The following IMMP2L variants were observed in gnomAD, a reference collection of about 807,000 sequenced individuals.
IMMP2L encodes the protein inner mitochondrial membrane peptidase subunit 2.
A neutral mutation model predicts 19.3 loss-of-function variants in IMMP2L; 18 were observed. The observed-to-expected ratio is 0.93, with a 90% CI of 0.64 to 1.38. IMMP2L has a LOEUF of 1.38. Ranked by LOEUF, IMMP2L falls within the 40% of genes most tolerant of loss-of-function variation. The pLI is 0.00. For synonymous variants in IMMP2L, 76 were observed against 73.0 expected (o/e 1.04, Z -0.21); for missense variants, 233 against 218.2 (o/e 1.07, Z -0.43).
intron 2 of IMMP2L, among the ~76,000 whole-genome samples, chr7:111,488,862 T>A (rs112705729): frequency 6.6e-6 from 1 of 151,978 alleles, no homozygotes; most frequent in Admixed American, 6.6e-5. Context: ...CACATCAACA[T>A]CTATTATTCT....
intron 3 of IMMP2L, among the ~76,000 whole-genome samples, chr7:111,061,580 C>T (rs1260389294): frequency 1.3e-5 from 2 of 152,068 alleles, no homozygotes; most frequent in South Asian, 2.1e-4. Context: ...CAAAGCTACC[C>T]CCAAATACAT....
intron 3 of IMMP2L, among the ~76,000 whole-genome samples, chr7:111,186,395 T>A (rs1808264673): frequency 6.6e-6 from 1 of 152,094 alleles, no homozygotes; most frequent in Non-Finnish European, 1.5e-5. Flanking sequence ...TTCCACTCAA[T>A]TTTTTTAAGC....
At chr7:111,218,651 C>A (rs888201224) in intron 3 of IMMP2L, among the ~76,000 whole-genome samples, 2 of 151,960 alleles carry the variant, frequency 1.3e-5, no homozygotes, top group African/African-American at 4.8e-5. Context: ...CTCCAATTAA[C>A]CTAGTTCATT....
At chr7:111,417,658 G>A (rs2131573866) in intron 3 of IMMP2L, among the ~76,000 whole-genome samples, 1 of 151,922 alleles carries the variant, frequency 6.6e-6, no homozygotes, top group South Asian at 2.1e-4. Context: ...AGCAGAGACT[G>A]AAATTTATAC....
chr7:111,114,424 C>T (rs777503356), intron 3 of IMMP2L, among the ~76,000 whole-genome samples: 59 of 152,066 alleles, frequency 3.9e-4, no homozygotes, highest in Non-Finnish European at 7.2e-4. Flanking sequence ...CATCCAAGTA[C>T]ATTGTATTAA....
chr7:110,777,229 C>G (rs761465820), intron 5 of IMMP2L, among the ~76,000 whole-genome samples: 1 of 151,964 alleles, frequency 6.6e-6, no homozygotes. Context: ...CCCAGCTCGG[C>G]AGGTGTGCCT....
intron 4 of IMMP2L, among the ~76,000 whole-genome samples, chr7:110,887,924 T>A (rs1810396785): frequency 6.6e-6 from 1 of 152,086 alleles, no homozygotes; most frequent in Non-Finnish European, 1.5e-5. Flanking sequence ...GAGACTATTT[T>A]TATTAGTTAG....
At chr7:111,474,347 A>C (rs1841532985) in intron 3 of IMMP2L, among the ~76,000 whole-genome samples, 1 of 152,098 alleles carries the variant, frequency 6.6e-6, no homozygotes, top group African/African-American at 2.4e-5. Context: ...ACTTTTTTTA[A>C]AGTCCACAAT....
At chr7:111,475,683 C>G (rs574764866) in intron 3 of IMMP2L, among the ~76,000 whole-genome samples, 34 of 152,098 alleles carry the variant, frequency 2.2e-4, no homozygotes, top group African/African-American at 7.9e-4. Context: ...GAATAAATTA[C>G]AAGGAACAAA....
rs115939183 is a variant in IMMP2L at position 111,519,751 on chromosome 7, A to G, written c.135+1562T>C. Among the ~76,000 whole-genome samples the G allele has an allele frequency of 9.0e-3, 1,363 of 152,206 alleles. 25 individuals carry two copies. The highest frequency in any genetic ancestry group is 0.031 in the African/African-American group (1,304 of 41,532). ...CTAAAAATATGAAGATTGGGATATTATGATTGCCACATGATCCTCTGGAAT... is the reference window on the plus strand; with the variant it reads ...CTAAAAATATGAAGATTGGGATATTGTGATTGCCACATGATCCTCTGGAAT... On this transcript the variant is annotated intron_variant, in intron 2 of 5. Coordinates refer to ENST00000405709, the MANE Select transcript of IMMP2L (RefSeq NM_032549.4).
At chr7:111,022,149 G>A (rs1399085234) in intron 3 of IMMP2L, among the ~76,000 whole-genome samples, 1 of 152,110 alleles carries the variant, frequency 6.6e-6, no homozygotes, top group East Asian at 1.9e-4. Context: ...GCCCTGTTCT[G>A]CCAACAAATC....
chr7:111,338,182 T>C (rs1386393976), intron 3 of IMMP2L, among the ~76,000 whole-genome samples: 1 of 152,114 alleles, frequency 6.6e-6, no homozygotes, highest in Non-Finnish European at 1.5e-5. Context: ...GCAGAGATGA[T>C]AACTGTAGGG....
At chr7:111,240,282 T>C (rs920570847) in intron 3 of IMMP2L, among the ~76,000 whole-genome samples, 19 of 152,018 alleles carry the variant, frequency 1.2e-4, no homozygotes, top group Admixed American at 7.9e-4. Flanking sequence ...CTTTAAAAAC[T>C]GTTCTTCTAA....
rs183290022 is a variant in IMMP2L, at chr7:110,911,132, A to T, written c.306-24437T>A. 7.3e-3 allele frequency among the ~76,000 whole-genome samples: 1,117 copies of T among 152,272 alleles called. 11 individuals are homozygous for T. The highest frequency in any genetic ancestry group is 9.2e-3 in the Non-Finnish European group (627 of 68,000). ...TCTACTTTTTAAACAAATGATAAAG[A>T]TGAACAACCAGACATTAAAATTAGA... is the stretch of plus-strand genomic sequence containing the variant. On this transcript the variant is annotated intron_variant, in intron 4 of 5. Coordinates refer to ENST00000405709, the MANE Select transcript of IMMP2L (RefSeq NM_032549.4).
At chr7:111,506,072 A>G (rs1039653952) in intron 2 of IMMP2L, among the ~76,000 whole-genome samples, 2 of 151,920 alleles carry the variant, frequency 1.3e-5, no homozygotes, top group African/African-American at 2.4e-5. Context: ...GTTTGAGAAC[A>G]CCTGGGCAAC....
At chr7:111,350,661 G>C (rs1480482661) in intron 3 of IMMP2L, among the ~76,000 whole-genome samples, 2 of 151,992 alleles carry the variant, frequency 1.3e-5, no homozygotes, top group Non-Finnish European at 2.9e-5. Flanking sequence ...CCTCACCATA[G>C]AATATCAACT....
At chr7:111,281,184 A>AAG (rs1410414283) in intron 3 of IMMP2L, among the ~76,000 whole-genome samples, 7 of 66,088 alleles carry the variant, frequency 1.1e-4, no homozygotes, top group African/African-American at 3.9e-4. Context: ...GAAAGAAAGA[A>AAG]AGAAAGAAAG....
At chr7:110,866,310 T>C (rs1807973314) in intron 5 of IMMP2L, among the ~76,000 whole-genome samples, 1 of 151,894 alleles carries the variant, frequency 6.6e-6, no homozygotes, top group Non-Finnish European at 1.5e-5. Context: ...TAAAATCTGG[T>C]AGTTGGTTGT....
At chr7:110,879,387 C>CAAAA (rs35022284) in intron 5 of IMMP2L, among the ~76,000 whole-genome samples, 1 of 142,142 alleles carries the variant, frequency 7.0e-6, no homozygotes, top group African/African-American at 2.6e-5. Context: ...GAATCTATCT[C>CAAAA]AAAAAAAAAA....
Sources: gnomAD v4.1 joint callset for allele counts (sites outside exome capture counted in the v4.1 genomes callset) on GRCh38, gnomAD v4.1.1 for gene constraint, MANE v1.5 for transcripts, NCBI Gene and HGNC (gene_info 2026-07-23, HGNC 2026-07-21) for gene names.